Variants in SMAP1 observed in about 807,000 individuals in gnomAD.
SMAP1 encodes the protein small ArfGAP 1.
Under a neutral mutation model 58.5 loss-of-function variants are expected in SMAP1, and 24 were observed. The observed-to-expected ratio is 0.41, with a 90% CI of 0.30 to 0.58. The LOEUF is 0.58. Among genes scored for constraint, SMAP1 ranks in the 20% least tolerant of loss-of-function variants. The probability of loss-of-function intolerance (pLI) is 0.29; values close to 1 mark genes in which losing one functional copy is unlikely to be tolerated. For synonymous variants in SMAP1, 216 were observed against 196.6 expected, an observed-to-expected ratio of 1.10 and a Z score of -0.82; for missense variants, 563 against 566.3, an observed-to-expected ratio of 0.99 and a Z score of 0.06.
chr6:70,742,031 C>T lies in SMAP1; in HGVS notation c.252+9520C>T, dbSNP rs909471562. Among the ~76,000 whole-genome samples the T allele has an allele frequency of 2.0e-5, 3 of 152,346 alleles. No individual in the cohort carries two copies. The South Asian group carries it at 6.2e-4, about 32-fold the overall frequency. ...AGCAGGGGGCCCTGGCCCTGGCCCA[C>T]AAAAGCATTTCTTCCTTCTAGGCCC... is the stretch of plus-strand genomic sequence containing the variant. On this transcript the variant is annotated intron_variant, in intron 2 of 10. Coordinates refer to ENST00000370455, the MANE Select transcript of SMAP1 (RefSeq NM_001044305.3).
intron 3 of SMAP1, among the ~76,000 whole-genome samples, chr6:70,766,982 A>G (rs1582141668): frequency 1.3e-5 from 2 of 151,960 alleles, no homozygotes; most frequent in Non-Finnish European, 2.9e-5. Context: ...CAGTTTTCCC[A>G]GCATCATTTA....
chr6:70,738,615 G>A (rs999134669), intron 2 of SMAP1, among the ~76,000 whole-genome samples: 1 of 152,064 alleles, frequency 6.6e-6, no homozygotes, highest in Non-Finnish European at 1.5e-5. Context: ...ATCTTTCCTA[G>A]AAAAAATTTC....
intron 6 of SMAP1, among the ~76,000 whole-genome samples, chr6:70,831,263 C>CT (rs952207483): frequency 3.9e-4 from 59 of 151,070 alleles, no homozygotes; most frequent in Admixed American, 1.6e-3. Context: ...CTTATTTTTA[C>CT]TTTTTTTTTA....
intron 2 of SMAP1, among the ~76,000 whole-genome samples, chr6:70,737,549 A>G (rs150219459): frequency 2.0e-3 from 308 of 152,350 alleles, no homozygotes; most frequent in Non-Finnish European, 3.1e-3. Flanking sequence ...TGTATGTAGT[A>G]TGTGCTCAAT....
Position 70,747,310 on chromosome 6 carries a change from A to G in SMAP1, c.253-7670A>G, listed in dbSNP as rs543563461. On this transcript the variant is annotated intron_variant, in intron 2 of 10. Coordinates refer to ENST00000370455, the MANE Select transcript of SMAP1 (RefSeq NM_001044305.3). ...TACCAATCACTGAACGCATACCACA[A>G]TGTGCTGAGGGCCTTTCAGGTAGAA... Among the ~76,000 whole-genome samples, 313 of 152,332 alleles carry G rather than the reference A, an allele frequency of 2.1e-3. 1 individual carries two copies. The highest frequency in any genetic ancestry group is 6.1e-3 in the African/African-American group (252 of 41,582).
At chr6:70,703,143 T>C (rs1208714869) in intron 1 of SMAP1, among the ~76,000 whole-genome samples, 4 of 152,100 alleles carry the variant, frequency 2.6e-5, no homozygotes, top group African/African-American at 9.7e-5. Context: ...AGTGACACGA[T>C]ATGGCTGACT....
rs1766146810 is a variant in SMAP1 at position 70,668,800 on chromosome 6, A to G, written c.118+659A>G. The G allele has an allele frequency of 2.1e-6, 3 of 1,439,200 alleles. No homozygotes were observed. The Admixed American group carries it at 6.4e-5, about 30-fold the overall frequency. The allele number at this position is 1,439,200 out of a possible 1,614,324, so 89.2% of individuals were successfully genotyped here. ...TTGTTTTTTAGTCTGGTTATTAGCCAGAATGAAGAGGAATTTCATTACATG... is the reference window on the plus strand; with the variant it reads ...TTGTTTTTTAGTCTGGTTATTAGCCGGAATGAAGAGGAATTTCATTACATG... On this transcript the variant is annotated intron_variant, in intron 1 of 10. Transcript: ENST00000370455.
chr6:70,723,933 T>G (rs146373110), intron 1 of SMAP1, among the ~76,000 whole-genome samples: 2 of 150,888 alleles, frequency 1.3e-5, no homozygotes, highest in Admixed American at 1.3e-4. Context: ...TCTATTATGT[T>G]ATTGGTTTGC....
intron 1 of SMAP1, among the ~76,000 whole-genome samples, chr6:70,716,619 A>G (rs950642816): frequency 6.6e-6 from 1 of 151,780 alleles, no homozygotes; most frequent in Non-Finnish European, 1.5e-5. Flanking sequence ...CTTGGAGTTC[A>G]CTGATCTTTT....
At chr6:70,697,767 AAAAC>A (rs1219850295) in intron 1 of SMAP1, among the ~76,000 whole-genome samples, 3 of 152,200 alleles carry the variant, frequency 2.0e-5, no homozygotes, top group Non-Finnish European at 2.9e-5. Flanking sequence ...CTTAATTGCC[AAAAC>A]AAACAAGCAA....
intron 7 of SMAP1, among the ~76,000 whole-genome samples, chr6:70,844,070 C>CT (rs1269797057): frequency 6.6e-6 from 1 of 152,100 alleles, no homozygotes; most frequent in Non-Finnish European, 1.5e-5. Context: ...TCTGTGGCCT[C>CT]TGATGGATTT....
intron 5 of SMAP1, among the ~76,000 whole-genome samples, chr6:70,798,102 T>G (rs1372615675): frequency 6.6e-6 from 1 of 152,074 alleles, no homozygotes; most frequent in Non-Finnish European, 1.5e-5. Flanking sequence ...TGAACATTAT[T>G]TTTTTCATGA....
At chr6:70,811,158 C>T (rs1403748823) in intron 6 of SMAP1, among the ~76,000 whole-genome samples, 1 of 152,116 alleles carries the variant, frequency 6.6e-6, no homozygotes, top group Non-Finnish European at 1.5e-5. Context: ...TGATTCTCAA[C>T]TTTACTGTTT....
chr6:70,860,092 T>G, intron 10 of SMAP1, 108 bp from the exon 11 acceptor site: 1 of 1,263,484 alleles, frequency 7.9e-7, no homozygotes, highest in Non-Finnish European at 1.1e-6. Flanking sequence ...ATTCCAGTGC[T>G]TGGACTAGTT....
intron 1 of SMAP1, among the ~76,000 whole-genome samples, chr6:70,727,420 C>G (rs758428271): frequency 1.3e-5 from 2 of 152,090 alleles, no homozygotes. Context: ...ACATAATAAT[C>G]ACATCAAATG....
intron 7 of SMAP1, among the ~76,000 whole-genome samples, chr6:70,849,132 A>G (rs942221202): frequency 6.6e-6 from 1 of 152,144 alleles, no homozygotes; most frequent in Non-Finnish European, 1.5e-5. Flanking sequence ...CTGTAGAGAA[A>G]AATCTTGGTG....
intron 1 of SMAP1, among the ~76,000 whole-genome samples, chr6:70,729,879 T>C (rs1359305377): frequency 6.6e-6 from 1 of 152,182 alleles, no homozygotes; most frequent in Non-Finnish European, 1.5e-5. Context: ...CAAAATGTCA[T>C]CTGTGGATGG....
intron 2 of SMAP1, among the ~76,000 whole-genome samples, chr6:70,749,284 C>T (rs573042243): frequency 6.6e-6 from 1 of 152,180 alleles, no homozygotes; most frequent in Non-Finnish European, 1.5e-5. Context: ...CCCCATGATT[C>T]AATCACCTCC....
At chr6:70,713,929 G>C (rs1417076454) in intron 1 of SMAP1, among the ~76,000 whole-genome samples, 3 of 152,064 alleles carry the variant, frequency 2.0e-5, no homozygotes, top group Non-Finnish European at 4.4e-5. Context: ...TCTGATGTTG[G>C]GTGTGTATTT....
Sources: allele counts gnomAD v4.1 joint callset (sites outside exome capture counted in the v4.1 genomes callset), GRCh38; gene constraint gnomAD v4.1.1; transcripts MANE v1.5; gene names NCBI Gene and HGNC (gene_info 2026-07-23, HGNC 2026-07-21).